Variants in UGT1A5 observed in about 807,000 individuals in gnomAD.
UGT1A5 encodes the protein UDP-glucuronosyltransferase 1A5.
A neutral mutation model predicts 40.3 loss-of-function variants in UGT1A5; 29 were observed. That is an observed-to-expected ratio of 0.72 (90% CI 0.54 to 0.98). UGT1A5 has a LOEUF of 0.98. UGT1A5 is among the 50% of genes least tolerant of loss of function. The probability of loss-of-function intolerance (pLI) is 0.00; values close to 1 mark genes in which losing one functional copy is unlikely to be tolerated. For missense variants in UGT1A5, 678 were observed against 677.9 expected (o/e 1.00, Z 0.00); for synonymous variants, 257 against 262.5 (o/e 0.98, Z 0.20).
intron 1 of UGT1A5, among the ~76,000 whole-genome samples, chr2:233,763,107 T>C (rs2126002075): frequency 6.6e-6 from 1 of 152,392 alleles, no homozygotes; most frequent in East Asian, 1.9e-4. Context: ...CACCGAACTT[T>C]ATCAGCTGCC....
In UGT1A5 at chr2:233,772,770, T is replaced by C. The variant is rs10929303; in HGVS notation, c.*211T>C. 0.78 allele frequency: 1,055,817 copies of C among 1,348,090 alleles called. 415,213 individuals are homozygous for C. Among genetic ancestry groups the C allele is most frequent in the East Asian group, 0.89 (34,131 of 38,366 alleles). The allele number at this position is 1,348,090 out of a possible 1,614,324, so 83.5% of individuals were successfully genotyped here. ...ATTTGAATATGTATCGTGCCCCCTC[T>C]GGTGTCTTTGATCAGGATGACATGT... On this transcript the variant is annotated 3_prime_UTR_variant, in exon 5 of 5. Transcript: ENST00000373414.
chr2:233,752,662 G>T (rs1695027689), intron 1 of UGT1A5: 5 of 152,258 alleles, frequency 3.3e-5, no homozygotes, highest in Admixed American at 2.0e-4. Flanking sequence ...TGAGGAGGAA[G>T]GATCACTTGA....
At chr2:233,723,999 A>C (rs2077152052) in intron 1 of UGT1A5, among the ~76,000 whole-genome samples, 1 of 70,856 alleles carries the variant, frequency 1.4e-5, no homozygotes, top group Non-Finnish European at 2.6e-5. Context: ...TTTCTATTCC[A>C]CAAAGCCGCC....
At chr2:233,760,299 G>T (rs781590934) in intron 1 of UGT1A5, 2 of 1,613,582 alleles carry the variant, frequency 1.2e-6, no homozygotes, top group East Asian at 2.2e-5. Context: ...TGGCTGTGGA[G>T]TCCCAGGGCG....
chr2:233,740,135 G>A (rs1178370483), intron 1 of UGT1A5, among the ~76,000 whole-genome samples: 1 of 151,922 alleles, frequency 6.6e-6, no homozygotes, highest in Non-Finnish European at 1.5e-5. Context: ...TGTCATGATT[G>A]TAAGTTTCCT....
rs956485327 is a variant in UGT1A5, at chr2:233,732,755, GTTTTTTT to G, written c.867+18907_867+18913del. On this transcript the variant is annotated intron_variant, in intron 1 of 4. Transcript: ENST00000373414. Reference sequence around the variant, plus strand: ...CAGGTAGCATGATGCCACCAGCTTTGTTTTTTTTTTTTTTTTGCTTAGGATTGTCTTG... The same window carrying G: ...CAGGTAGCATGATGCCACCAGCTTTGTTTTTTTTTGCTTAGGATTGTCTTG... Among the ~76,000 whole-genome samples the G allele has an allele frequency of 7.5e-5, 9 of 120,224 alleles. No individual in the cohort carries two copies. The East Asian group carries it at 1.2e-3, about 16-fold the overall frequency. 78.9% of individuals were successfully genotyped at this position (120,224 alleles called of 152,430 possible).
chr2:233,723,738 G>C (rs1448534034), intron 1 of UGT1A5, among the ~76,000 whole-genome samples: 1 of 75,272 alleles, frequency 1.3e-5, no homozygotes, highest in Non-Finnish European at 2.3e-5. Flanking sequence ...GACTCTTAAC[G>C]AGCATGCTGC....
intron 1 of UGT1A5, among the ~76,000 whole-genome samples, chr2:233,734,657 A>G (rs1389558129): frequency 6.6e-6 from 1 of 152,186 alleles, no homozygotes; most frequent in African/African-American, 2.4e-5. Context: ...ATTTAATGCT[A>G]TAAATTTCCC....
At chr2:233,713,933 C>T (rs2076357446) in intron 1 of UGT1A5, 75 bp downstream of exon 1, 1 of 1,611,438 alleles carries the variant, frequency 6.2e-7, no homozygotes, top group Non-Finnish European at 8.5e-7. Context: ...CTTACAAGTG[C>T]TTCCATATCT....
At chr2:233,718,119 C>T (rs2076631088) in intron 1 of UGT1A5, 1 of 304,720 alleles carries the variant, frequency 3.3e-6, no homozygotes, top group Non-Finnish European at 6.6e-6. Context: ...CCTCTTATTC[C>T]ATGGTGTAGA....
intron 1 of UGT1A5, chr2:233,760,795 T>C (rs1035248479): frequency 1.2e-5 from 19 of 1,613,472 alleles, no homozygotes; most frequent in Non-Finnish European, 1.5e-5. Context: ...GCCCACTGTA[T>C]TCTTCTTGCA....
intron 1 of UGT1A5, among the ~76,000 whole-genome samples, chr2:233,716,726 T>C (rs1272338086): frequency 6.6e-6 from 1 of 152,214 alleles, no homozygotes; most frequent in Non-Finnish European, 1.5e-5. Context: ...CCAGTTTATA[T>C]GTTTAGCTCT....
intron 1 of UGT1A5, among the ~76,000 whole-genome samples, chr2:233,728,411 T>C (rs945344211): frequency 6.6e-6 from 1 of 152,174 alleles, no homozygotes; most frequent in African/African-American, 2.4e-5. Context: ...GTGCTTTAGA[T>C]AGCAGCACCT....
At chr2:233,767,613 G>C (rs1438949419) in intron 2 of UGT1A5, among the ~76,000 whole-genome samples, 4 of 152,108 alleles carry the variant, frequency 2.6e-5, no homozygotes, top group African/African-American at 9.7e-5. Flanking sequence ...AAAATCCTAA[G>C]TGCACAGCTT....
chr2:233,756,182 C>T (rs1035761363), intron 1 of UGT1A5: 1 of 152,192 alleles, frequency 6.6e-6, no homozygotes, highest in African/African-American at 2.4e-5. Flanking sequence ...TTGAGAATCG[C>T]TAGTCTAGCA....
Position 233,769,845 on chromosome 2 carries a change from G to T in UGT1A5, c.1307+1406G>T. ...ACTCCAGCAACCTGGGCAACAGAGT[G>T]AGACCCTGTCTCAAAAAAAAAAAAA... On this transcript the variant is annotated intron_variant, in intron 4 of 4. Transcript: ENST00000373414. This position sits in a 1 kb window ranked among gnomAD's most constrained non-coding sequence, Gnocchi z 4.4. The T allele has an allele frequency of 6.0e-6, 3 of 503,862 alleles. No individual in the cohort carries two copies. The highest frequency in any genetic ancestry group is 6.3e-6 in the Non-Finnish European group (2 of 319,128). 31.2% of individuals were successfully genotyped at this position (503,862 alleles called of 1,614,324 possible).
chr2:233,767,793 GT>G, intron 2 of UGT1A5, 55 bp from the exon 3 acceptor site: 2 of 1,613,932 alleles, frequency 1.2e-6, no homozygotes, highest in Non-Finnish European at 1.7e-6. Context: ...TAGCAGATTT[GT>G]TTTCTAATCA....
chr2:233,715,984 A>T (rs2076481106), intron 1 of UGT1A5, among the ~76,000 whole-genome samples: 1 of 152,170 alleles, frequency 6.6e-6, no homozygotes, highest in African/African-American at 2.4e-5. Context: ...TTGATTTAAA[A>T]CACAACAAAA....
chr2:233,743,990 C>A lies in UGT1A5; in HGVS notation c.868-23044C>A, dbSNP rs541433916. 65 of 1,267,322 alleles carry A rather than the reference C, an allele frequency of 5.1e-5. No homozygotes were observed. In the African/African-American group the frequency reaches 6.0e-4, roughly 12 times the overall value. 78.5% of individuals were successfully genotyped at this position (1,267,322 alleles called of 1,614,324 possible). On this transcript the variant is annotated intron_variant, in intron 1 of 4. Transcript: ENST00000373414. ...GGCTGCCAGCACCCAGGCGCAGGCC[C>A]GAGTGCTCGGAGACCTGGGCCGCCT...
Sources: gnomAD v4.1 joint callset for allele counts (sites outside exome capture counted in the v4.1 genomes callset) on GRCh38, gnomAD v4.1.1 for gene constraint, Gnocchi (gnomAD v3.1) non-coding constraint, MANE v1.5 for transcripts, NCBI Gene and HGNC (gene_info 2026-07-23, HGNC 2026-07-21) for gene names.